The following MCCC2 variants were observed in gnomAD, a reference collection of about 807,000 sequenced individuals.
MCCC2 encodes methylcrotonoyl-CoA carboxylase beta chain, mitochondrial.
A neutral mutation model predicts 77.2 loss-of-function variants in MCCC2; 52 were observed. That is an observed-to-expected ratio of 0.67 (90% confidence interval 0.54 to 0.85). The LOEUF is 0.85. Ranked by LOEUF, MCCC2 falls within the 40% of genes least tolerant of loss-of-function variation. The probability of loss-of-function intolerance (pLI) is 0.00; values close to 1 mark genes in which losing one functional copy is unlikely to be tolerated. For synonymous variants in MCCC2, 253 were observed against 248.4 expected (o/e 1.02, Z -0.18); for missense variants, 682 against 703.2 (o/e 0.97, Z 0.34).
At chr5:71,624,471 G>A (rs893725737) in intron 6 of MCCC2, among the ~76,000 whole-genome samples, 34 of 149,760 alleles carry the variant, frequency 2.3e-4, no homozygotes, top group African/African-American at 5.9e-4. Flanking sequence ...TGTGCCTCCC[G>A]GGTTCAAGCC....
chr5:71,653,260 C>T (rs545422676), intron 16 of MCCC2, among the ~76,000 whole-genome samples: 5 of 152,236 alleles, frequency 3.3e-5, no homozygotes, highest in Admixed American at 3.3e-4. Context: ...TGTGTGTCGG[C>T]GCCAAATAAT....
At chr5:71,620,756 C>G (rs906139024) in intron 6 of MCCC2, among the ~76,000 whole-genome samples, 1 of 152,220 alleles carries the variant, frequency 6.6e-6, no homozygotes, top group African/African-American at 2.4e-5. Flanking sequence ...TTGCCTGTGC[C>G]TTCTGTGGAG....
chr5:71,658,213 A>G lies in MCCC2; in HGVS notation c.*1353A>G, dbSNP rs1185907115. 1.3e-5 allele frequency: 2 copies of G among 152,118 alleles called. No homozygotes were observed. The highest frequency in any genetic ancestry group is 2.9e-5 in the Non-Finnish European group (2 of 68,024). The allele number at this position is 152,118 out of a possible 1,614,324, so 9.4% of individuals were successfully genotyped here. A position where few individuals can be genotyped will look rare whatever the true frequency, so the allele number is the denominator to read the frequency against. ...CTTTGACTCCTCTTTACACCGGAGA[A>G]CGGCTCCAGCTGTTCTAGCTCTCTT... On this transcript the variant is annotated 3_prime_UTR_variant, in exon 17 of 17. Coordinates refer to ENST00000340941, the MANE Select transcript of MCCC2 (RefSeq NM_022132.5).
At position 71,587,532 on chromosome 5, in the gene MCCC2, A is replaced by G. The variant is rs1467574687; in HGVS notation, c.107A>G (p.Asp36Gly). The G allele has an allele frequency of 6.5e-7, 1 of 1,538,070 alleles. No homozygotes were observed. Among genetic ancestry groups the G allele is most frequent in the Non-Finnish European group, 8.7e-7 (1 of 1,146,370 alleles). Residue 36 changes from aspartate (D) to glycine (G), a missense_variant, in exon 1 of 17, where the codon GAC (aspartate) becomes GGC (glycine). Asp to Gly is a moderately conservative substitution (Grantham distance 94). Transcript: ENST00000340941. Reference sequence around the variant, plus strand: ...GTGGCCTCGCTGGGCACCCAGCCGGACTTGGGCTCTGCCCTCTACCAGGTA... The same window carrying G: ...GTGGCCTCGCTGGGCACCCAGCCGGGCTTGGGCTCTGCCCTCTACCAGGTA... ...DSVASLGTQPDLGSALYQENY... is the reference protein window; with the variant it reads ...DSVASLGTQPGLGSALYQENY...
At chr5:71,622,219 C>T (rs539169945) in intron 6 of MCCC2, among the ~76,000 whole-genome samples, 4 of 151,824 alleles carry the variant, frequency 2.6e-5, no homozygotes, top group South Asian at 2.1e-4. Context: ...GCTCATGTAA[C>T]GTCTTTGTTG....
intron 6 of MCCC2, among the ~76,000 whole-genome samples, chr5:71,616,448 A>C (rs747003846): frequency 6.6e-6 from 1 of 152,250 alleles, no homozygotes; most frequent in Non-Finnish European, 1.5e-5. Flanking sequence ...GAATTGGATT[A>C]GAGGACAGCT....
intron 4 of MCCC2, among the ~76,000 whole-genome samples, chr5:71,601,753 CTG>C (rs1745444687): frequency 6.6e-6 from 1 of 152,150 alleles, no homozygotes; most frequent in Non-Finnish European, 1.5e-5. Flanking sequence ...AAAGAGCACA[CTG>C]TTGTCATCTC....
chr5:71,618,014 C>T (rs985165160), intron 6 of MCCC2, among the ~76,000 whole-genome samples: 1 of 152,010 alleles, frequency 6.6e-6, no homozygotes, highest in Non-Finnish European at 1.5e-5. Context: ...ACCCCTTAAT[C>T]GTTTCTGGAG....
intron 10 of MCCC2, chr5:71,635,709 T>A (rs182902465): frequency 3.5e-6 from 1 of 285,242 alleles, no homozygotes; most frequent in African/African-American, 2.2e-5. Flanking sequence ...GGTTACACAT[T>A]GTCGACATAG....
Position 71,603,443 on chromosome 5 carries a change from G to T in MCCC2, c.511+810G>T, listed in dbSNP as rs531658800. Among the ~76,000 whole-genome samples the T allele has an allele frequency of 2.8e-4, 42 of 149,690 alleles. 1 individual carries two copies. Among genetic ancestry groups the T allele is most frequent in the Non-Finnish European group, 5.3e-4 (36 of 67,514 alleles). ...AAAAAAAAAAAAAAAAAAAAAATGG[G>T]CCTTTCCTGATACTGGGTTAGTCTG... On this transcript the variant is annotated intron_variant, in intron 5 of 16. Transcript: ENST00000340941.
At chr5:71,634,907 C>T (rs1341341153) in intron 8 of MCCC2, 36 bp from the exon 9 acceptor site, 1 of 1,575,082 alleles carries the variant, frequency 6.3e-7, no homozygotes, top group Non-Finnish European at 8.7e-7. Flanking sequence ...TTTTCCTTTT[C>T]CCTGTTCTGA....
Position 71,656,891 on chromosome 5 carries a change from G to A in MCCC2, c.*31G>A. ...ATAAAGGATGTTTTCTGTTGGACAT[G>A]TACTGAAAATTAACACATGTAGTAG... On this transcript the variant is annotated 3_prime_UTR_variant, in exon 17 of 17. Transcript: ENST00000340941. The A allele has an allele frequency of 1.9e-6, 3 of 1,547,226 alleles. No homozygotes were observed. The highest frequency in any genetic ancestry group is 2.7e-6 in the Non-Finnish European group (3 of 1,119,392).
chr5:71,640,013 T>C (rs1259716796), intron 10 of MCCC2, among the ~76,000 whole-genome samples: 4 of 152,238 alleles, frequency 2.6e-5, no homozygotes, highest in Admixed American at 6.5e-5. Context: ...AAAAATAGTA[T>C]GTATCATCTA....
chr5:71,635,139 A>G lies in MCCC2; in HGVS notation c.904-12A>G, dbSNP rs277984. On this transcript the variant is annotated splice_polypyrimidine_tract_variant and intron_variant, in intron 9 of 16. Coordinates refer to ENST00000340941, the MANE Select transcript of MCCC2 (RefSeq NM_022132.5). ...GTCTTTAAACAGGTTAACATGATCTATATTTCTGCAGGTCACCATTGAACC... is the reference window on the plus strand; with the variant it reads ...GTCTTTAAACAGGTTAACATGATCTGTATTTCTGCAGGTCACCATTGAACC... The G allele has an allele frequency of 0.36, 573,871 of 1,613,564 alleles. 107,469 individuals carry two copies. The highest frequency in any genetic ancestry group is 0.59 in the Admixed American group (35,336 of 59,994).
At chr5:71,640,148 G>A (rs1747074495) in intron 10 of MCCC2, among the ~76,000 whole-genome samples, 1 of 152,178 alleles carries the variant, frequency 6.6e-6, no homozygotes, top group South Asian at 2.1e-4. Flanking sequence ...ATATGTGGAT[G>A]ATCCTTCAAG....
chr5:71,633,061 C>A, intron 8 of MCCC2, among the ~76,000 whole-genome samples: 5 of 118,360 alleles, frequency 4.2e-5, no homozygotes, highest in Admixed American at 9.6e-5. Flanking sequence ...AATTGGGAAA[C>A]AATTGAGGAG....
At chr5:71,635,484 A>C in intron 10 of MCCC2, 1 of 563,618 alleles carries the variant, frequency 1.8e-6, no homozygotes, top group Non-Finnish European at 3.3e-6. Flanking sequence ...TTCATTGCGC[A>C]AAAAGTGTGA....
At chr5:71,628,082 G>A (rs1339246685) in intron 7 of MCCC2, among the ~76,000 whole-genome samples, 1 of 152,258 alleles carries the variant, frequency 6.6e-6, no homozygotes, top group East Asian at 1.9e-4. Flanking sequence ...GACCTCAGGT[G>A]GTATGCCTGC....
At chr5:71,622,458 TATC>T (rs1746386062) in intron 6 of MCCC2, among the ~76,000 whole-genome samples, 1 of 152,182 alleles carries the variant, frequency 6.6e-6, no homozygotes, top group South Asian at 2.1e-4. Flanking sequence ...ATAATTCAAA[TATC>T]ATATAACTTA....
Sources: allele counts gnomAD v4.1 joint callset (sites outside exome capture counted in the v4.1 genomes callset), GRCh38; gene constraint gnomAD v4.1.1; transcripts MANE v1.5; gene names NCBI Gene and HGNC (gene_info 2026-07-23, HGNC 2026-07-21).